Variants in LIFR observed in about 807,000 individuals in gnomAD.
LIFR encodes the protein leukemia inhibitory factor receptor.
Under a neutral mutation model 122.2 loss-of-function variants are expected in LIFR, and 84 were observed. That is an observed-to-expected ratio of 0.69 (90% CI 0.58 to 0.82). LIFR has a LOEUF of 0.82. Among genes scored for constraint, LIFR ranks in the 40% least tolerant of loss-of-function variants. The pLI is 0.00. For synonymous variants in LIFR, 422 were observed against 434.7 expected (o/e 0.97, Z 0.36); for missense variants, 1,294 against 1,311.6 (o/e 0.99, Z 0.21).
chr5:38,524,334 G>A (rs1224162096), intron 4 of LIFR, among the ~76,000 whole-genome samples: 1 of 152,146 alleles, frequency 6.6e-6, no homozygotes, highest in Non-Finnish European at 1.5e-5. Flanking sequence ...GAAGTAGCAG[G>A]ATATAAGAAG....
chr5:38,529,801 G>A (rs1373635), intron 2 of LIFR, among the ~76,000 whole-genome samples: 77,947 of 151,878 alleles, frequency 0.51, 21,734 homozygotes, highest in African/African-American at 0.74. Flanking sequence ...TAAATTATAC[G>A]GCTATTTATA....
At chr5:38,525,222 T>C (rs1170434156) in intron 4 of LIFR, among the ~76,000 whole-genome samples, 1 of 152,236 alleles carries the variant, frequency 6.6e-6, no homozygotes, top group African/African-American at 2.4e-5. Flanking sequence ...TTCCATTCTA[T>C]GAAATGTAGA....
intron 2 of LIFR, among the ~76,000 whole-genome samples, chr5:38,603,357 C>T (rs1196042545): frequency 6.6e-6 from 1 of 152,190 alleles, no homozygotes; most frequent in African/African-American, 2.4e-5. Context: ...ACTGAGATAC[C>T]TTCCACCAGT....
intron 1 of LIFR, among the ~76,000 whole-genome samples, chr5:38,553,124 T>C (rs1027748723): frequency 1.3e-5 from 2 of 152,136 alleles, no homozygotes; most frequent in African/African-American, 2.4e-5. Context: ...ACAGAGGTGG[T>C]CCTCTGTCCC....
At chr5:38,524,862 C>T (rs544390151) in intron 4 of LIFR, among the ~76,000 whole-genome samples, 2 of 152,150 alleles carry the variant, frequency 1.3e-5, no homozygotes, top group African/African-American at 4.8e-5. Flanking sequence ...ATCCTAGAAG[C>T]AGAAGGAAAC....
At chr5:38,515,234 C>T (rs1293224632) in intron 5 of LIFR, among the ~76,000 whole-genome samples, 3 of 152,062 alleles carry the variant, frequency 2.0e-5, no homozygotes, top group Non-Finnish European at 4.4e-5. Flanking sequence ...CCTCTGGCCA[C>T]AAGCGGTCTC....
chr5:38,535,417 A>C (rs891068497), intron 1 of LIFR, among the ~76,000 whole-genome samples: 7 of 152,278 alleles, frequency 4.6e-5, no homozygotes, highest in East Asian at 3.9e-4. Context: ...TTCATGTTCC[A>C]TAGGCCAAAT....
rs538385918 is a variant in LIFR, at chr5:38,535,140, T to C, written c.-19-4474A>G. ...AATCCATACAACTGGAGTCAGAACC[T>C]AGAAAGAGGCCTTGCACACTGCCTC... is the stretch of plus-strand genomic sequence containing the variant. On this transcript the variant is annotated intron_variant, in intron 1 of 19. Coordinates refer to ENST00000453190, the MANE Select transcript of LIFR (RefSeq NM_001127671.2). 5.3e-5 allele frequency among the ~76,000 whole-genome samples: 8 copies of C among 152,268 alleles called. No homozygotes were observed. The South Asian group carries it at 1.5e-3, about 28-fold the overall frequency.
intron 2 of LIFR, among the ~76,000 whole-genome samples, chr5:38,603,431 A>G (rs958623912): frequency 6.6e-6 from 1 of 152,202 alleles, no homozygotes; most frequent in African/African-American, 2.4e-5. Flanking sequence ...TAAATTTTGG[A>G]AAAACTGCAT....
At chr5:38,510,008 A>G (rs2112488754) in intron 7 of LIFR, among the ~76,000 whole-genome samples, 1 of 152,298 alleles carries the variant, frequency 6.6e-6, no homozygotes, top group Middle Eastern at 3.4e-3. Context: ...CTCAAATATA[A>G]TAGTTAAAAG....
intron 1 of LIFR, among the ~76,000 whole-genome samples, chr5:38,545,139 G>A (rs941756478): frequency 2.0e-5 from 3 of 152,084 alleles, no homozygotes; most frequent in Non-Finnish European, 2.9e-5. Flanking sequence ...GCGTGGTGGC[G>A]GACGCCTGTA....
intron 1 of LIFR, among the ~76,000 whole-genome samples, chr5:38,551,619 G>A (rs1216167482): frequency 6.6e-6 from 1 of 152,142 alleles, no homozygotes; most frequent in Non-Finnish European, 1.5e-5. Flanking sequence ...TGATATCACC[G>A]CCTTGTGGCC....
At chr5:38,576,340 C>T (rs925212362) in intron 1 of LIFR, among the ~76,000 whole-genome samples, 2 of 152,156 alleles carry the variant, frequency 1.3e-5, no homozygotes, top group Non-Finnish European at 2.9e-5. Context: ...GATGATTCTT[C>T]CTTTTGCTTA....
At chr5:38,519,717 T>C (rs1746300209) in intron 5 of LIFR, among the ~76,000 whole-genome samples, 1 of 152,186 alleles carries the variant, frequency 6.6e-6, no homozygotes, top group African/African-American at 2.4e-5. Context: ...AGTGAGAACA[T>C]ACTATATTTA....
chr5:38,560,607 T>G (rs1168195163), upstream of LIFR, among the ~76,000 whole-genome samples: 2 of 151,904 alleles, frequency 1.3e-5, no homozygotes, highest in Non-Finnish European at 2.9e-5. Flanking sequence ...TTTTTGTTTT[T>G]TTTTTTTTAG....
intron 1 of LIFR, among the ~76,000 whole-genome samples, chr5:38,578,190 C>CTTTTCT (rs1405248851): frequency 7.8e-6 from 1 of 127,676 alleles, no homozygotes; most frequent in Non-Finnish European, 1.6e-5. Context: ...TTTTTCTTTT[C>CTTTTCT]TTTTCTTTTT....
intron 1 of LIFR, among the ~76,000 whole-genome samples, chr5:38,575,696 G>A (rs1460886643): frequency 6.6e-6 from 1 of 152,142 alleles, no homozygotes; most frequent in African/African-American, 2.4e-5. Flanking sequence ...TACACAGTCC[G>A]CTGATCCAGA....
chr5:38,524,530 A>C (rs552814608), intron 4 of LIFR, among the ~76,000 whole-genome samples: 40 of 152,316 alleles, frequency 2.6e-4, no homozygotes, highest in Non-Finnish European at 4.9e-4. Context: ...CATCAAAGAA[A>C]TAAACGGTTG....
chr5:38,492,192 T>A (rs1235349051), intron 14 of LIFR, among the ~76,000 whole-genome samples: 2 of 152,222 alleles, frequency 1.3e-5, no homozygotes, highest in South Asian at 4.1e-4. Context: ...ACTAATTTTG[T>A]GACCTTGGAA....
Sources: gnomAD v4.1 joint callset for allele counts (sites outside exome capture counted in the v4.1 genomes callset) on GRCh38, gnomAD v4.1.1 for gene constraint, MANE v1.5 for transcripts, NCBI Gene and HGNC (gene_info 2026-07-23, HGNC 2026-07-21) for gene names.